The following USP4 variants were observed in gnomAD, a reference collection of about 807,000 sequenced individuals.
USP4 encodes ubiquitin carboxyl-terminal hydrolase 4.
Under a neutral mutation model 118.2 loss-of-function variants are expected in USP4, and 72 were observed. The observed-to-expected ratio is 0.61, with a 90% CI of 0.50 to 0.74. The LOEUF (loss-of-function observed/expected upper bound fraction) is 0.74. USP4 is among the 30% of genes least tolerant of loss of function. The probability of loss-of-function intolerance (pLI) is 0.00; values close to 1 mark genes in which losing one functional copy is unlikely to be tolerated. For missense variants in USP4, 1,037 were observed against 1,185.7 expected (o/e 0.87, Z 1.84); for synonymous variants, 415 against 440.4 (o/e 0.94, Z 0.72).
rs1486556004 is a variant in USP4, at chr3:49,286,182, G to A, written c.2116C>T (p.Leu706Phe). The A allele has an allele frequency of 1.2e-6, 2 of 1,614,130 alleles. No homozygotes were observed. Among genetic ancestry groups the A allele is most frequent in the East Asian group, 4.5e-5 (2 of 44,868 alleles). ...KIKGQPCPKRLFTFSLVNSYG... is the reference protein window; with the variant it reads ...KIKGQPCPKRFFTFSLVNSYG... ...GAGTTCACAAGACTGAAGGTAAAAA[G>A]CCTTTTTGGGCAGGGCTGGCCTTTG... Residue 706 changes from leucine to phenylalanine, a missense_variant, in exon 16 of 22, where the codon CTT becomes TTT. Leu to Phe is a conservative substitution (Grantham distance 22). This residue lies in a region of USP4 where 522 missense variants were observed against 592.6 expected (regional missense o/e 0.88). Transcript: ENST00000265560.
chr3:49,326,404 T>C (rs2047556065), intron 3 of USP4, among the ~76,000 whole-genome samples: 1 of 152,030 alleles, frequency 6.6e-6, no homozygotes, highest in Admixed American at 6.6e-5. Context: ...TTCTTCACTG[T>C]TTTTTGTTTT....
intron 8 of USP4, among the ~76,000 whole-genome samples, chr3:49,310,189 T>G (rs2047369385): frequency 6.6e-6 from 1 of 151,630 alleles, no homozygotes; most frequent in African/African-American, 2.4e-5. Flanking sequence ...CCTCCCAAAG[T>G]GCTGGGATTA....
At chr3:49,323,271 TAAAAAAAAAAAAAA>T (rs1173500243) in intron 6 of USP4, among the ~76,000 whole-genome samples, 3 of 101,230 alleles carry the variant, frequency 3.0e-5, no homozygotes, top group South Asian at 3.2e-4. Flanking sequence ...CTGGCCTTTT[TAAAAAAAAAAAAAA>T]AAAAAAAAAA....
At position 49,315,006 on chromosome 3, in the gene USP4, T is replaced by C. The variant is rs568133927; in HGVS notation, c.696-3352A>G. Reference sequence around the variant, plus strand: ...TTGATGTTTAAAATGTTCTAGAAAATACTGCCAGTTTTCATAGTAAATTCA... The same window carrying C: ...TTGATGTTTAAAATGTTCTAGAAAACACTGCCAGTTTTCATAGTAAATTCA... On this transcript the variant is annotated intron_variant, in intron 6 of 21. Coordinates refer to ENST00000265560, the MANE Select transcript of USP4 (RefSeq NM_003363.4). Among the ~76,000 whole-genome samples, 3 of 152,020 alleles carry C rather than the reference T, an allele frequency of 2.0e-5. No homozygotes were observed. The South Asian group carries it at 6.2e-4, about 32-fold the overall frequency.
chr3:49,312,561 A>C (rs1287552400), intron 6 of USP4: 3 of 450,818 alleles, frequency 6.7e-6, no homozygotes, highest in Admixed American at 4.7e-5. Context: ...CAGAAGTTGC[A>C]GTGAGCCAAG....
At chr3:49,304,845 C>T (rs1300239306) in intron 9 of USP4, among the ~76,000 whole-genome samples, 2 of 150,666 alleles carry the variant, frequency 1.3e-5, no homozygotes, top group African/African-American at 4.9e-5. Context: ...CTCACTGCAC[C>T]CTCCACCTCC....
chr3:49,326,598 T>C (rs1559479533), intron 3 of USP4, among the ~76,000 whole-genome samples: 2 of 151,582 alleles, frequency 1.3e-5, no homozygotes, highest in South Asian at 2.1e-4. Flanking sequence ...GATTTCACCA[T>C]GTTGGCCAGG....
chr3:49,317,548 T>G (rs1357972018), intron 6 of USP4: 76 of 605,966 alleles, frequency 1.3e-4, no homozygotes, highest in Admixed American at 3.9e-4. Context: ...GTTTGTTTTT[T>G]TTTTTTTTTT....
At position 49,321,040 on chromosome 3, in the gene USP4, T is replaced by C. The variant is rs2107795936; in HGVS notation, c.695+3662A>G. Among the ~76,000 whole-genome samples the C allele has an allele frequency of 3.9e-5, 6 of 152,276 alleles. 1 individual carries two copies. The South Asian group carries it at 1.2e-3, about 32-fold the overall frequency. On this transcript the variant is annotated intron_variant, in intron 6 of 21. Transcript: ENST00000265560. ...GATGTATGATATCTGAGAAATGTCCTAAAAAGGAAGGGGTAGGTCAGCTGG... is the reference window on the plus strand; with the variant it reads ...GATGTATGATATCTGAGAAATGTCCCAAAAAGGAAGGGGTAGGTCAGCTGG...
intron 6 of USP4, chr3:49,317,481 A>ATTT (rs745708443): frequency 1.5e-5 from 7 of 455,300 alleles, no homozygotes; most frequent in East Asian, 1.2e-4. Flanking sequence ...GGGGCCCCCT[A>ATTT]TTTTTTTTTT....
At position 49,335,506 on chromosome 3, in the gene USP4, T is replaced by C; in HGVS notation, c.192A>G (p.Leu64=). The C allele has an allele frequency of 1.2e-6, 2 of 1,614,178 alleles. No individual in the cohort carries two copies. The highest frequency in any genetic ancestry group is 1.7e-6 in the Non-Finnish European group (2 of 1,180,044). Residue 64 remains leucine (L), a synonymous_variant, in exon 2 of 22, where the codon CTA becomes CTG. Transcript: ENST00000265560. ...CAGAGTTGTCTATTGGGCCAGGAAA[T>C]AGGTTATGTTCACCCACATTGTACA... ...WDMYNVGEHN[L]FPGPIDNSGL...
At chr3:49,324,345 C>T (rs1234861272) in intron 6 of USP4, among the ~76,000 whole-genome samples, 7 of 152,156 alleles carry the variant, frequency 4.6e-5, no homozygotes, top group Non-Finnish European at 7.4e-5. Flanking sequence ...CCTTAGCCTT[C>T]CTCTTATCCA....
At chr3:49,320,804 T>TC (rs1283552907) in intron 6 of USP4, among the ~76,000 whole-genome samples, 1 of 152,148 alleles carries the variant, frequency 6.6e-6, no homozygotes, top group Non-Finnish European at 1.5e-5. Context: ...TCTTATTTTT[T>TC]CCCCCCTTCA....
chr3:49,300,357 C>T (rs2047251987), intron 11 of USP4, 110 bp downstream of exon 11: 4 of 937,116 alleles, frequency 4.3e-6, no homozygotes, highest in African/African-American at 1.6e-5. Flanking sequence ...CATACCCAGG[C>T]AAGTACCAAG....
chr3:49,304,086 G>A (rs1369744690), intron 9 of USP4, among the ~76,000 whole-genome samples: 4 of 152,188 alleles, frequency 2.6e-5, no homozygotes, highest in Admixed American at 1.3e-4. Context: ...TTGTGACTTA[G>A]TATGTGAACA....
intron 2 of USP4, among the ~76,000 whole-genome samples, chr3:49,328,142 G>A (rs1317890980): frequency 6.6e-6 from 1 of 152,012 alleles, no homozygotes; most frequent in Non-Finnish European, 1.5e-5. Context: ...GTTGGATCAT[G>A]AGGTCAGGAG....
At chr3:49,304,755 T>TG (rs932026059) in intron 9 of USP4, among the ~76,000 whole-genome samples, 1 of 150,776 alleles carries the variant, frequency 6.6e-6, no homozygotes, top group Non-Finnish European at 1.5e-5. Flanking sequence ...TCCAGCTAAT[T>TG]TTGTTGTTGT....
At chr3:49,337,964 T>C (rs1316007849) in intron 1 of USP4, among the ~76,000 whole-genome samples, 1 of 143,900 alleles carries the variant, frequency 6.9e-6, no homozygotes, top group Admixed American at 7.5e-5. Flanking sequence ...GAGAATCGCT[T>C]GAACCCGGGA....
At chr3:49,302,945 G>A (rs1475359921) in intron 9 of USP4, among the ~76,000 whole-genome samples, 1 of 152,134 alleles carries the variant, frequency 6.6e-6, no homozygotes, top group Non-Finnish European at 1.5e-5. Flanking sequence ...CAGCCCTCAG[G>A]TCCCTAAATA....
Sources: gnomAD v4.1 joint callset for allele counts (sites outside exome capture counted in the v4.1 genomes callset) on GRCh38, gnomAD v4.1.1 for gene constraint, gnomAD v4.1.1 regional missense constraint, MANE v1.5 for transcripts, NCBI Gene and HGNC (gene_info 2026-07-23, HGNC 2026-07-21) for gene names.